NPIPB2: variants seen among roughly 807,000 people sequenced by gnomAD.
NPIPB2 encodes the protein nuclear pore complex interacting protein family member B2, also known as nuclear pore complex-interacting protein family member B2.
In NPIPB2, 27 loss-of-function variants were observed where a neutral mutation model predicts 30.8. The ratio of observed to expected loss-of-function variants is 0.88; its 90% CI spans 0.65 to 1.21. The LOEUF (loss-of-function observed/expected upper bound fraction) is 1.21. NPIPB2 is among the 50% of genes most tolerant of loss of function. The pLI is 0.00. For missense variants in NPIPB2, 440 were observed against 446.2 expected (o/e 0.99, Z 0.13); for synonymous variants, 147 against 162.0 (o/e 0.91, Z 0.70).
At chr16:11,954,903 G>C (rs1392572156) in intron 1 of NPIPB2, among the ~76,000 whole-genome samples, 1 of 53,750 alleles carries the variant, frequency 1.9e-5, no homozygotes, top group East Asian at 6.3e-4. Flanking sequence ...GCAAGACTCT[G>C]TCTCAAAAAA....
upstream of NPIPB2, among the ~76,000 whole-genome samples, chr16:11,946,521 T>C (rs760479740): frequency 6.6e-6 from 1 of 151,852 alleles, no homozygotes; most frequent in South Asian, 2.1e-4. Flanking sequence ...TACTGTGAGC[T>C]ATGATTGTGC....
At chr16:11,965,052 TTC>T (rs1319768432) in intron 1 of NPIPB2, 8 of 444,004 alleles carry the variant, frequency 1.8e-5, no homozygotes, top group Non-Finnish European at 2.8e-5. Context: ...AATAAGCAGT[TTC>T]TGTTTCAGAT....
At chr16:11,959,448 T>C (rs1433649407) in intron 1 of NPIPB2, among the ~76,000 whole-genome samples, 2 of 151,900 alleles carry the variant, frequency 1.3e-5, no homozygotes, top group Admixed American at 6.6e-5. Flanking sequence ...AAAATTGCTA[T>C]GCATGGTGGC....
At chr16:11,970,135 G>C (rs1303402410) in intron 1 of NPIPB2, among the ~76,000 whole-genome samples, 1 of 152,056 alleles carries the variant, frequency 6.6e-6, no homozygotes, top group African/African-American at 2.4e-5. Context: ...GATCACCTGA[G>C]GTCAGGAGTT....
At chr16:11,949,450 C>T (rs1310154638) in intron 1 of NPIPB2, among the ~76,000 whole-genome samples, 1 of 152,178 alleles carries the variant, frequency 6.6e-6, no homozygotes, top group African/African-American at 2.4e-5. Flanking sequence ...AGATGTTAGC[C>T]TCAGTGAAGT....
chr16:11,965,934 A>ACCCT (rs2150940195), intron 1 of NPIPB2, among the ~76,000 whole-genome samples: 1 of 152,138 alleles, frequency 6.6e-6, no homozygotes, highest in East Asian at 1.9e-4. Flanking sequence ...ACCTGGTGAA[A>ACCCT]CCCTGTCTCT....
chr16:11,968,035 C>G, intron 1 of NPIPB2: 1 of 620,598 alleles, frequency 1.6e-6, no homozygotes, highest in East Asian at 3.2e-5. Flanking sequence ...TAGAAACTTC[C>G]TTGGTTTCAT....
At chr16:11,945,592 C>T (rs559022932), upstream of NPIPB2, among the ~76,000 whole-genome samples, 18 of 151,976 alleles carry the variant, frequency 1.2e-4, no homozygotes, top group African/African-American at 4.1e-4. Flanking sequence ...GCAGGAGAAA[C>T]GCTTGAACCC....
At chr16:11,933,597 A>C in exon 4 of NPIPB2, 2 of 1,535,152 alleles carry the variant, frequency 1.3e-6, no homozygotes, top group Non-Finnish European at 1.7e-6. Context: ...TACGGATTTT[A>C]GCTCTACCTT....
At chr16:11,950,780 T>A (rs1324828525) in intron 1 of NPIPB2, among the ~76,000 whole-genome samples, 1 of 152,078 alleles carries the variant, frequency 6.6e-6, no homozygotes, top group African/African-American at 2.4e-5. Flanking sequence ...TGTCAGACAC[T>A]GGGAACATAA....
chr16:11,966,076 A>G, intron 1 of NPIPB2: 12 of 1,043,822 alleles, frequency 1.1e-5, no homozygotes, highest in Non-Finnish European at 1.6e-5. Context: ...GCGCCACTGC[A>G]CTCTAGCCTG....
chr16:11,969,627 C>G (rs140539483), intron 1 of NPIPB2, among the ~76,000 whole-genome samples: 2 of 152,288 alleles, frequency 1.3e-5, no homozygotes, highest in East Asian at 1.9e-4. Context: ...ATCAACCAGA[C>G]GAATTCAGTG....
At chr16:11,971,580 T>C (rs2055236074) in intron 1 of NPIPB2, among the ~76,000 whole-genome samples, 1 of 152,024 alleles carries the variant, frequency 6.6e-6, no homozygotes, top group South Asian at 2.1e-4. Context: ...CTGCAACCTC[T>C]GCTTCCCAGG....
At chr16:11,927,282 A>G (rs559689759), downstream of NPIPB2, 1 of 704,246 alleles carries the variant, frequency 1.4e-6, no homozygotes, top group Non-Finnish European at 2.5e-6. Context: ...TATATTATTT[A>G]TTTATTCTTT....
Position 11,960,865 on chromosome 16 carries a change from T to C in NPIPB2, c.-584+15703A>G, listed in dbSNP as rs186031647. Among the ~76,000 whole-genome samples, 3 of 151,704 alleles carry C rather than the reference T, an allele frequency of 2.0e-5. No homozygotes were observed. The East Asian group carries it at 5.8e-4, about 29-fold the overall frequency. ...ACTGTTATGGGAGATTTTTTTTTCT[T>C]TCTTTTCTTTTTTTTTTTTGAGACA... On this transcript the variant is annotated intron_variant, in intron 1 of 5. Transcript: ENST00000538896.
At chr16:11,975,887 T>A (rs1044792660) in intron 1 of NPIPB2, among the ~76,000 whole-genome samples, 1 of 151,556 alleles carries the variant, frequency 6.6e-6, no homozygotes, top group Non-Finnish European at 1.5e-5. Context: ...AGTCACCGCG[T>A]CCGGCCTAGG....
intron 1 of NPIPB2, chr16:11,941,771 A>G: frequency 9.6e-7 from 1 of 1,044,026 alleles, no homozygotes; most frequent in Admixed American, 2.0e-5. Context: ...CATTCCAATG[A>G]CCCCTCCCCC....
In NPIPB2 at chr16:11,951,625, T is replaced by TACACACACACACACACACACAC. The variant is rs1214348316; in HGVS notation, c.-583-9533_-583-9512dup. 3.6e-3 allele frequency among the ~76,000 whole-genome samples: 348 copies of TACACACACACACACACACACAC among 95,844 alleles called. 4 individuals are homozygous for TACACACACACACACACACACAC. Among genetic ancestry groups the TACACACACACACACACACACAC allele is most frequent in the African/African-American group, 0.015 (324 of 21,532 alleles). 62.9% of individuals were successfully genotyped at this position (95,844 alleles called of 152,430 possible). A position where few individuals can be genotyped will look rare whatever the true frequency, so the allele number is the denominator to read the frequency against. On this transcript the variant is annotated intron_variant, in intron 1 of 5. Coordinates refer to the NPIPB2 transcript ENST00000538896. ...TACAGATGGACACTGCACATACACA[T>TACACACACACACACACACACAC]ACACACACACACACACACACACACA...
At chr16:11,961,805 C>G (rs1346907083) in intron 1 of NPIPB2, among the ~76,000 whole-genome samples, 2 of 149,372 alleles carry the variant, frequency 1.3e-5, no homozygotes, top group African/African-American at 4.9e-5. Context: ...AAGGTATGAG[C>G]AGTTGTATAA....
Sources: allele counts gnomAD v4.1 joint callset (sites outside exome capture counted in the v4.1 genomes callset), GRCh38; gene constraint gnomAD v4.1.1; transcripts MANE v1.5; gene names NCBI Gene and HGNC (gene_info 2026-07-23, HGNC 2026-07-21).